TFEC: variants seen among roughly 807,000 people sequenced by gnomAD.
The protein encoded by TFEC is transcription factor EC.
In TFEC, 31 loss-of-function variants were observed where a neutral mutation model predicts 41.6. That is an observed-to-expected ratio of 0.74 (90% CI 0.56 to 1.01). The LOEUF is 1.01. Ranked by LOEUF, TFEC falls within the 50% of genes least tolerant of loss-of-function variation. The pLI is 0.00. For missense variants in TFEC, 402 were observed against 404.1 expected, an observed-to-expected ratio of 0.99 and a Z score of 0.04; for synonymous variants, 143 against 140.6, an observed-to-expected ratio of 1.02 and a Z score of -0.12.
chr7:116,041,929 C>T (rs1796046741), intron 3 of TFEC, among the ~76,000 whole-genome samples: 1 of 152,084 alleles, frequency 6.6e-6, no homozygotes, highest in Non-Finnish European at 1.5e-5. Context: ...GCATCTCTCA[C>T]ACAATATGCA....
intron 1 of TFEC, among the ~76,000 whole-genome samples, chr7:116,143,107 T>G (rs1179114988): frequency 6.6e-6 from 1 of 152,156 alleles, no homozygotes. Flanking sequence ...AAGCCTGCCC[T>G]AAATTTCCTC....
intron 3 of TFEC, among the ~76,000 whole-genome samples, chr7:116,070,831 G>A (rs906019183): frequency 7.9e-5 from 12 of 151,082 alleles, no homozygotes; most frequent in African/African-American, 2.9e-4. Context: ...TTTTATTAGA[G>A]AAGCATGAAA....
At chr7:116,058,900 G>A (rs553820003) in intron 3 of TFEC, among the ~76,000 whole-genome samples, 3 of 151,722 alleles carry the variant, frequency 2.0e-5, no homozygotes, top group Non-Finnish European at 4.4e-5. Context: ...AATATTGAGG[G>A]ACGAATTTTT....
intron 2 of TFEC, among the ~76,000 whole-genome samples, chr7:115,975,403 T>C (rs1010968297): frequency 3.9e-5 from 6 of 152,118 alleles, no homozygotes; most frequent in Admixed American, 1.3e-4. Flanking sequence ...CTAATAGATA[T>C]GGAAAAATAT....
intron 3 of TFEC, among the ~76,000 whole-genome samples, chr7:116,052,713 C>T (rs1484949107): frequency 1.3e-5 from 2 of 151,502 alleles, no homozygotes; most frequent in African/African-American, 4.8e-5. Flanking sequence ...AGGCATGAGC[C>T]ACCGTGCCCA....
At chr7:115,947,343 AAG>A (rs1791646756) in intron 6 of TFEC, among the ~76,000 whole-genome samples, 1 of 151,290 alleles carries the variant, frequency 6.6e-6, no homozygotes, top group Non-Finnish European at 1.5e-5. Context: ...GGTTGGTTCC[AAG>A]TCTTTGCTAT....
At chr7:115,950,068 G>A (rs922503680) in intron 6 of TFEC, among the ~76,000 whole-genome samples, 7 of 148,058 alleles carry the variant, frequency 4.7e-5, no homozygotes, top group African/African-American at 1.8e-4. Flanking sequence ...CTGGAGTGCA[G>A]TGGCATGATC....
chr7:116,150,527 T>A (rs1457358272), intron 1 of TFEC, among the ~76,000 whole-genome samples: 1 of 151,814 alleles, frequency 6.6e-6, no homozygotes, highest in African/African-American at 2.4e-5. Flanking sequence ...AAAAATAAAA[T>A]AAAAACTATG....
intron 1 of TFEC, among the ~76,000 whole-genome samples, chr7:115,988,316 T>C (rs1221180395): frequency 6.6e-6 from 1 of 151,734 alleles, no homozygotes; most frequent in African/African-American, 2.4e-5. Flanking sequence ...TGCTAATAGA[T>C]AAAGTAGCCA....
chr7:115,981,709 T>C (rs1365669221), intron 2 of TFEC, among the ~76,000 whole-genome samples: 1 of 152,194 alleles, frequency 6.6e-6, no homozygotes, highest in African/African-American at 2.4e-5. Flanking sequence ...AAAACTCAGA[T>C]AACAGGCGCT....
chr7:116,039,718 A>G (rs941151751), intron 3 of TFEC, among the ~76,000 whole-genome samples: 10 of 152,110 alleles, frequency 6.6e-5, no homozygotes, highest in African/African-American at 2.4e-4. Flanking sequence ...ATGAGTTAAA[A>G]TATTTTTACA....
chr7:116,031,551 A>G (rs1554406670), upstream of TFEC, among the ~76,000 whole-genome samples: 1 of 152,158 alleles, frequency 6.6e-6, no homozygotes, highest in Non-Finnish European at 1.5e-5. Context: ...TCATTCTTGT[A>G]ACAGTTACAT....
chr7:116,046,667 C>A (rs887232872), intron 3 of TFEC, among the ~76,000 whole-genome samples: 2 of 152,182 alleles, frequency 1.3e-5, no homozygotes, highest in South Asian at 2.1e-4. Flanking sequence ...TAGTGATTTA[C>A]GTGATGCTTT....
At chr7:115,999,392 A>T (rs1364039254) in intron 1 of TFEC, among the ~76,000 whole-genome samples, 1 of 152,050 alleles carries the variant, frequency 6.6e-6, no homozygotes, top group African/African-American at 2.4e-5. Flanking sequence ...AGAAAAGTAG[A>T]AACATTTCAA....
chr7:116,098,160 T>A lies in TFEC; in HGVS notation c.198+12548A>T, dbSNP rs1407413945. On this transcript the variant is annotated intron_variant, in intron 3 of 8. Transcript: ENST00000484212. Reference sequence around the variant, plus strand: ...AAAGATATACTATGCAAACATTAACTTTTTTTTTCTTTTTTTTGAGACGGA... The same window carrying A: ...AAAGATATACTATGCAAACATTAACATTTTTTTTCTTTTTTTTGAGACGGA... Among the ~76,000 whole-genome samples, 4 of 150,956 alleles carry A rather than the reference T, an allele frequency of 2.6e-5. No homozygotes were observed. In the East Asian group the frequency reaches 7.7e-4, roughly 29 times the overall value.
intron 1 of TFEC, among the ~76,000 whole-genome samples, chr7:115,989,430 C>A (rs1794005045): frequency 6.6e-6 from 1 of 152,082 alleles, no homozygotes; most frequent in South Asian, 2.1e-4. Flanking sequence ...GGAGTGTGAG[C>A]CAAAGAAGGG....
intron 1 of TFEC, among the ~76,000 whole-genome samples, chr7:115,989,626 T>C (rs866529054): frequency 5.3e-5 from 8 of 152,174 alleles, no homozygotes; most frequent in Middle Eastern, 3.2e-3. Flanking sequence ...TGCTCACTGC[T>C]AGCACAGCAG....
chr7:116,138,654 A>C (rs1224532723), intron 1 of TFEC, among the ~76,000 whole-genome samples: 1 of 152,232 alleles, frequency 6.6e-6, no homozygotes, highest in East Asian at 1.9e-4. Flanking sequence ...GCATTTAAGA[A>C]ATCAAAGACC....
rs1177121503 is a variant in TFEC, at chr7:116,085,007, G to T, written c.198+25701C>A. ...CAACATATAAATAAACACAATATAA[G>T]TACTTAGGAACAGGAGATAGCTTGA... On this transcript the variant is annotated intron_variant, in intron 3 of 8. Coordinates refer to the TFEC transcript ENST00000484212. Among the ~76,000 whole-genome samples, 5 of 151,806 alleles carry T rather than the reference G, an allele frequency of 3.3e-5. No individual in the cohort carries two copies. The East Asian group carries it at 9.7e-4, about 29-fold the overall frequency.
Sources: allele counts gnomAD v4.1 joint callset (sites outside exome capture counted in the v4.1 genomes callset), GRCh38; gene constraint gnomAD v4.1.1; transcripts MANE v1.5; gene names NCBI Gene and HGNC (gene_info 2026-07-23, HGNC 2026-07-21).